Variants in BCKDHB observed in about 807,000 individuals in gnomAD.
BCKDHB encodes branched chain keto acid dehydrogenase E1 subunit beta.
A neutral mutation model predicts 48.5 loss-of-function variants in BCKDHB; 41 were observed. That is an observed-to-expected ratio of 0.85 (90% CI 0.66 to 1.10). The LOEUF is 1.10. BCKDHB is among the 50% of genes least tolerant of loss of function. The pLI, the probability that BCKDHB is intolerant of heterozygous loss-of-function variation, is 0.00. For synonymous variants in BCKDHB, 201 were observed against 174.8 expected (o/e 1.15, Z -1.18); for missense variants, 496 against 494.2 (o/e 1.00, Z -0.03).
chr6:80,167,721 T>C lies in BCKDHB; in HGVS notation c.387T>C (p.Ile129=). Residue 129 remains isoleucine, a synonymous_variant, in exon 4 of 10, where the codon ATT becomes ATC. Coordinates refer to ENST00000320393, the MANE Select transcript of BCKDHB (RefSeq NM_183050.4). ...ATACCCCATTGTGTGAACAAGGAAT[T>C]GTTGGATTTGGAATCGGAATTGCGG... is the stretch of plus-strand genomic sequence containing the variant. ...VFNTPLCEQG[I]VGFGIGIAVT... 1 of 1,611,912 alleles carries C rather than the reference T, an allele frequency of 6.2e-7. No individual in the cohort carries two copies. Among genetic ancestry groups the C allele is most frequent in the Non-Finnish European group, 8.5e-7 (1 of 1,178,014 alleles).
intron 6 of BCKDHB, among the ~76,000 whole-genome samples, chr6:80,180,337 A>T (rs2127789852): frequency 6.6e-6 from 1 of 152,318 alleles, no homozygotes; most frequent in Admixed American, 6.5e-5. Flanking sequence ...ATGGAGAAGG[A>T]TGTTTAGAAA....
At chr6:80,420,839 G>C in the BCKDHB span, among the ~76,000 whole-genome samples, 2 of 152,204 alleles carry the variant, frequency 1.3e-5, no homozygotes, top group African/African-American at 4.8e-5. Flanking sequence ...GGAGCCAAAT[G>C]CTCAGTTAAT....
At chr6:80,140,112 T>C (rs1386867792) in intron 3 of BCKDHB, among the ~76,000 whole-genome samples, 1 of 152,202 alleles carries the variant, frequency 6.6e-6, no homozygotes, top group Non-Finnish European at 1.5e-5. Context: ...GTTTGTCTTT[T>C]ATTGGTGTAT....
chr6:80,345,641 G>T lies in BCKDHB; in HGVS notation c.*1837G>T, dbSNP rs141043588. 6.6e-6 allele frequency: 1 copy of T among 152,288 alleles called. No individual in the cohort carries two copies. The highest frequency in any genetic ancestry group is 1.9e-4 in the East Asian group (1 of 5,182). The allele number at this position is 152,288 out of a possible 1,614,324, so 9.4% of individuals were successfully genotyped here. ...TATTTCTGATGTCTTCTTAATGTCTGTGAAAGCAACTGGCATCTACAATAA... is the reference window on the plus strand; with the variant it reads ...TATTTCTGATGTCTTCTTAATGTCTTTGAAAGCAACTGGCATCTACAATAA... On this transcript the variant is annotated 3_prime_UTR_variant, in exon 10 of 10. Coordinates refer to ENST00000320393, the MANE Select transcript of BCKDHB (RefSeq NM_183050.4).
chr6:80,348,111 A>T (rs9352824), downstream of BCKDHB, among the ~76,000 whole-genome samples: 31,389 of 151,922 alleles, frequency 0.21, 3,758 homozygotes, highest in South Asian at 0.37. Context: ...TGTACATTTT[A>T]AAAAAAAATG....
Position 80,230,259 on chromosome 6 carries a change from C to T in BCKDHB, c.951+27047C>T, listed in dbSNP as rs536485172. On this transcript the variant is annotated intron_variant, in intron 8 of 9. Coordinates refer to ENST00000320393, the MANE Select transcript of BCKDHB (RefSeq NM_183050.4). ...TTCACCGTGTTAGCCAGGATGGTCT[C>T]GATCTCCTGACCTCGTGATCCGCCC... Among the ~76,000 whole-genome samples the T allele has an allele frequency of 3.3e-4, 50 of 151,384 alleles. No homozygotes were observed. In the South Asian group the frequency reaches 0.01, roughly 30 times the overall value.
chr6:80,193,669 G>A (rs1299334515), intron 6 of BCKDHB, among the ~76,000 whole-genome samples: 2 of 151,426 alleles, frequency 1.3e-5, no homozygotes, highest in African/African-American at 2.4e-5. Flanking sequence ...GCAGTGAGCC[G>A]GGACTGTGCC....
intron 3 of BCKDHB, among the ~76,000 whole-genome samples, chr6:80,149,151 G>A (rs1171158186): frequency 6.6e-6 from 1 of 152,128 alleles, no homozygotes; most frequent in Non-Finnish European, 1.5e-5. Context: ...CCATCAAAAA[G>A]TGGGCGAAGG....
intron 1 of BCKDHB, among the ~76,000 whole-genome samples, chr6:80,122,192 G>C (rs866991295): frequency 2.6e-5 from 4 of 152,300 alleles, no homozygotes; most frequent in Middle Eastern, 3.4e-3. Context: ...TTGCATCCCA[G>C]GGATGAAGTT....
Position 80,223,378 on chromosome 6 carries a change from A to G in BCKDHB, c.951+20166A>G, listed in dbSNP as rs1258543552. On this transcript the variant is annotated intron_variant, in intron 8 of 9. Coordinates refer to ENST00000320393, the MANE Select transcript of BCKDHB (RefSeq NM_183050.4). The stretch of plus-strand genomic sequence containing the variant: ...GGGTACTGGTGCTTTGCTTCTAATC[A>G]TTAATTTTCCTTTGGTTACATTCAC... Among the ~76,000 whole-genome samples the G allele has an allele frequency of 5.3e-5, 8 of 152,264 alleles. No individual in the cohort carries two copies. In the East Asian group the frequency reaches 1.2e-3, roughly 22 times the overall value.
At chr6:80,314,059 T>G (rs1260893635) in intron 9 of BCKDHB, among the ~76,000 whole-genome samples, 1 of 152,172 alleles carries the variant, frequency 6.6e-6, no homozygotes, top group African/African-American at 2.4e-5. Flanking sequence ...TTGTTCAATT[T>G]CCATTTAGTT....
chr6:80,213,951 A>G (rs1011940259), intron 8 of BCKDHB, among the ~76,000 whole-genome samples: 1 of 152,162 alleles, frequency 6.6e-6, no homozygotes, highest in Non-Finnish European at 1.5e-5. Context: ...CAGCTGTGGC[A>G]TGAGGGAGTG....
At chr6:80,250,986 ATAAC>A (rs1363834115) in intron 8 of BCKDHB, among the ~76,000 whole-genome samples, 2 of 152,174 alleles carry the variant, frequency 1.3e-5, no homozygotes, top group African/African-American at 4.8e-5. Flanking sequence ...GAATTATGTG[ATAAC>A]TATTTAAGAA....
chr6:80,118,811 C>T (rs771712571), intron 1 of BCKDHB, among the ~76,000 whole-genome samples: 12 of 151,936 alleles, frequency 7.9e-5, no homozygotes, highest in Non-Finnish European at 1.5e-4. Flanking sequence ...TAATAGATTC[C>T]ATCTCAAGGC....
intron 9 of BCKDHB, among the ~76,000 whole-genome samples, chr6:80,279,092 T>A (rs1219380965): frequency 6.6e-6 from 1 of 152,166 alleles, no homozygotes. Flanking sequence ...CTATTTCTCT[T>A]CAACTTTTTC....
chr6:80,386,225 G>C, the BCKDHB span, among the ~76,000 whole-genome samples: 1 of 151,598 alleles, frequency 6.6e-6, no homozygotes, highest in Non-Finnish European at 1.5e-5. Context: ...TCTAATGGTG[G>C]GAACTGCAGT....
At chr6:80,454,679 G>T in the BCKDHB span, among the ~76,000 whole-genome samples, 2 of 152,150 alleles carry the variant, frequency 1.3e-5, no homozygotes, top group Non-Finnish European at 2.9e-5. Flanking sequence ...TATCTTTCCA[G>T]ATGGGTCCCA....
At chr6:80,398,323 C>T in the BCKDHB span, among the ~76,000 whole-genome samples, 1 of 151,820 alleles carries the variant, frequency 6.6e-6, no homozygotes, top group East Asian at 1.9e-4. Flanking sequence ...GAGAGATAGA[C>T]TGCTAGCTAG....
At chr6:80,352,036 G>C in the BCKDHB span, among the ~76,000 whole-genome samples, 3 of 152,064 alleles carry the variant, frequency 2.0e-5, no homozygotes, top group South Asian at 4.2e-4. Flanking sequence ...AATCAGGCTG[G>C]TCTCGAACTC....
Sources: gnomAD v4.1 joint callset for allele counts (sites outside exome capture counted in the v4.1 genomes callset) on GRCh38, gnomAD v4.1.1 for gene constraint, MANE v1.5 for transcripts, NCBI Gene and HGNC (gene_info 2026-07-23, HGNC 2026-07-21) for gene names.